Variants in NCKAP5 observed in about 807,000 individuals in gnomAD.
The protein encoded by NCKAP5 is NCK associated protein 5.
In NCKAP5, 92 loss-of-function variants were observed where a neutral mutation model predicts 167.0. The ratio of observed to expected loss-of-function variants is 0.55; its 90% CI spans 0.47 to 0.66. The LOEUF (loss-of-function observed/expected upper bound fraction) is 0.66, where lower values mean the gene tolerates loss of function less well. Among genes scored for constraint, NCKAP5 ranks in the 30% least tolerant of loss-of-function variants. NCKAP5 has a pLI of 0.00. For missense variants in NCKAP5, 2,378 were observed against 2,315.0 expected, an observed-to-expected ratio of 1.03 and a Z score of -0.56; for synonymous variants, 891 against 877.4, an observed-to-expected ratio of 1.02 and a Z score of -0.27.
intron 5 of NCKAP5, among the ~76,000 whole-genome samples, chr2:133,163,890 C>A (rs1446516938): frequency 6.6e-6 from 1 of 151,878 alleles, no homozygotes; most frequent in Non-Finnish European, 1.5e-5. Context: ...AGGTAAGAAC[C>A]TTTTCTTGTA....
chr2:133,357,288 G>GACACACACACACAC lies in NCKAP5; in HGVS notation c.70-54192_70-54179dup, dbSNP rs10635907. ...ATTAGTTGGGTCACACACATACACA[G>GACACACACACACAC]ACACACACACACACACACACACACA... On this transcript the variant is annotated intron_variant, in intron 3 of 19. Coordinates refer to ENST00000409261, the MANE Select transcript of NCKAP5 (RefSeq NM_207363.3). Among the ~76,000 whole-genome samples, 66 of 140,262 alleles carry GACACACACACACAC rather than the reference G, an allele frequency of 4.7e-4. No individual in the cohort carries two copies. In the East Asian group the frequency reaches 6.2e-3, roughly 13 times the overall value. 92.0% of individuals were successfully genotyped at this position (140,262 alleles called of 152,430 possible).
At chr2:133,522,885 A>C (rs970709914) in intron 2 of NCKAP5, among the ~76,000 whole-genome samples, 1 of 152,228 alleles carries the variant, frequency 6.6e-6, no homozygotes, top group Non-Finnish European at 1.5e-5. Context: ...GTTATAAAAG[A>C]ATACATATAT....
chr2:133,672,934 G>A, the NCKAP5 span, among the ~76,000 whole-genome samples: 1 of 152,162 alleles, frequency 6.6e-6, no homozygotes, highest in South Asian at 2.1e-4. Flanking sequence ...CTCAAAATCA[G>A]AAAGGACCTT....
chr2:133,333,229 G>A (rs1440211617), intron 3 of NCKAP5, among the ~76,000 whole-genome samples: 2 of 152,116 alleles, frequency 1.3e-5, no homozygotes, highest in African/African-American at 4.8e-5. Flanking sequence ...TCTTTTCAGA[G>A]TTGCTCCAGG....
intron 17 of NCKAP5, among the ~76,000 whole-genome samples, chr2:132,730,604 C>T (rs1357069012): frequency 6.6e-6 from 1 of 152,238 alleles, no homozygotes; most frequent in Non-Finnish European, 1.5e-5. Flanking sequence ...CAATTCAAGA[C>T]TTGCGGTTTC....
intron 3 of NCKAP5, among the ~76,000 whole-genome samples, chr2:133,500,291 A>G (rs1007119951): frequency 6.6e-6 from 1 of 152,214 alleles, no homozygotes; most frequent in Non-Finnish European, 1.5e-5. Context: ...TCTACCTCAA[A>G]TCTGCCAAAT....
At chr2:132,920,359 C>T (rs1315343204) in intron 8 of NCKAP5, among the ~76,000 whole-genome samples, 1 of 151,954 alleles carries the variant, frequency 6.6e-6, no homozygotes, top group Non-Finnish European at 1.5e-5. Context: ...TTTGCTTTCA[C>T]ATACTAGAAA....
At position 133,101,378 on chromosome 2, in the gene NCKAP5, C is replaced by T. The variant is rs1168302173; in HGVS notation, c.341+28600G>A. Among the ~76,000 whole-genome samples, 41 of 138,794 alleles carry T rather than the reference C, an allele frequency of 3.0e-4. No individual in the cohort carries two copies. In the East Asian group the frequency reaches 6.4e-3, roughly 22 times the overall value. The allele number at this position is 138,794 out of a possible 152,430, so 91.1% of individuals were successfully genotyped here. A position where few individuals can be genotyped will look rare whatever the true frequency, so the allele number is the denominator to read the frequency against. Reference sequence around the variant, plus strand: ...TTCTTTTGGCTTAGGATTGACTTGGCGATGCGGGCTCTTTTTTGGTTCCAT... The same window carrying T: ...TTCTTTTGGCTTAGGATTGACTTGGTGATGCGGGCTCTTTTTTGGTTCCAT... On this transcript the variant is annotated intron_variant, in intron 6 of 19. Coordinates refer to ENST00000409261, the MANE Select transcript of NCKAP5 (RefSeq NM_207363.3).
At chr2:133,490,687 T>C (rs1260640960) in intron 3 of NCKAP5, among the ~76,000 whole-genome samples, 1 of 152,192 alleles carries the variant, frequency 6.6e-6, no homozygotes, top group Non-Finnish European at 1.5e-5. Context: ...GACACTGGGA[T>C]AGGAGGCACC....
chr2:132,736,002 T>C (rs1229432955), intron 16 of NCKAP5, among the ~76,000 whole-genome samples: 4 of 152,212 alleles, frequency 2.6e-5, no homozygotes, highest in African/African-American at 7.2e-5. Context: ...AACAGGACTT[T>C]TGGAATTCTT....
At chr2:133,478,460 A>G (rs919033937) in intron 3 of NCKAP5, among the ~76,000 whole-genome samples, 12 of 152,146 alleles carry the variant, frequency 7.9e-5, no homozygotes, top group Admixed American at 2.6e-4. Context: ...ACCTTCCTAG[A>G]AATCTCTGGA....
the NCKAP5 span, among the ~76,000 whole-genome samples, chr2:133,649,916 C>A: frequency 6.6e-6 from 1 of 152,026 alleles, no homozygotes; most frequent in African/African-American, 2.4e-5. Flanking sequence ...GTAAAATGGT[C>A]TCTTTTTGCA....
At chr2:133,549,180 T>A (rs1445290528) in intron 2 of NCKAP5, among the ~76,000 whole-genome samples, 1 of 151,540 alleles carries the variant, frequency 6.6e-6, no homozygotes, top group African/African-American at 2.4e-5. Flanking sequence ...AAGAGCTAAC[T>A]ATCCTAAATA....
chr2:133,094,848 A>G (rs1002152491), intron 6 of NCKAP5, among the ~76,000 whole-genome samples: 1 of 152,196 alleles, frequency 6.6e-6, no homozygotes, highest in Non-Finnish European at 1.5e-5. Flanking sequence ...ATGCACCATC[A>G]CTGGCTTTGA....
chr2:133,180,514 T>A (rs1670815022), intron 5 of NCKAP5, among the ~76,000 whole-genome samples: 1 of 151,988 alleles, frequency 6.6e-6, no homozygotes, highest in South Asian at 2.1e-4. Flanking sequence ...ATTTTTGTAT[T>A]TTTTTGTAGA....
chr2:132,908,869 G>A (rs1177097263), intron 8 of NCKAP5, among the ~76,000 whole-genome samples: 1 of 152,088 alleles, frequency 6.6e-6, no homozygotes, highest in Non-Finnish European at 1.5e-5. Context: ...CTGAAATATC[G>A]TAGTCTTTAT....
At chr2:132,796,431 C>G (rs558518366) in intron 12 of NCKAP5, among the ~76,000 whole-genome samples, 197 bp downstream of exon 12, 14 of 152,088 alleles carry the variant, frequency 9.2e-5, no homozygotes, top group African/African-American at 3.4e-4. Flanking sequence ...GATATTTTTG[C>G]CAAGAATGAC....
At chr2:133,075,425 AT>A (rs1295778440) in intron 6 of NCKAP5, among the ~76,000 whole-genome samples, 1 of 152,220 alleles carries the variant, frequency 6.6e-6, no homozygotes, top group East Asian at 1.9e-4. Context: ...GGAAGAGCAA[AT>A]GACGAGGTAA....
the NCKAP5 span, among the ~76,000 whole-genome samples, chr2:133,593,300 A>G: frequency 6.6e-6 from 1 of 152,150 alleles, no homozygotes; most frequent in Non-Finnish European, 1.5e-5. Context: ...CACAAAAAAA[A>G]GGAAGAAGAT....
Sources: allele counts gnomAD v4.1 joint callset (sites outside exome capture counted in the v4.1 genomes callset), GRCh38; gene constraint gnomAD v4.1.1; transcripts MANE v1.5; gene names NCBI Gene and HGNC (gene_info 2026-07-23, HGNC 2026-07-21).